Variants in CCDC85A observed in about 807,000 individuals in gnomAD.
CCDC85A encodes coiled-coil domain-containing protein 85A.
CCDC85A carries 38 observed loss-of-function variants against 50.2 expected under a neutral mutation model. The ratio of observed to expected loss-of-function variants is 0.76; its 90% CI spans 0.58 to 0.99. CCDC85A has a LOEUF of 0.99. Ranked by LOEUF, CCDC85A falls within the 50% of genes least tolerant of loss-of-function variation. CCDC85A has a pLI of 0.00. For synonymous variants in CCDC85A, 366 were observed against 301.4 expected (o/e 1.21, Z -2.22); for missense variants, 820 against 742.0 (o/e 1.11, Z -1.22).
chr2:56,183,998 C>T lies in CCDC85A; in HGVS notation c.-627C>T. On this transcript the variant is annotated 5_prime_UTR_variant, in exon 1 of 6. Coordinates refer to ENST00000407595, the MANE Select transcript of CCDC85A (RefSeq NM_001080433.2). ...TCCCCCACCCTCCACCCCTTCTCGA[C>T]TCCGCTCTGCAAATCGAAGGCTTTC... The T allele has an allele frequency of 2.0e-6, 2 of 985,638 alleles. No individual in the cohort carries two copies. Among genetic ancestry groups the T allele is most frequent in the Non-Finnish European group, 2.4e-6 (2 of 830,136 alleles). The allele number at this position is 985,638 out of a possible 1,614,324, so 61.1% of individuals were successfully genotyped here. A position where few individuals can be genotyped will look rare whatever the true frequency, so the allele number is the denominator to read the frequency against.
intron 2 of CCDC85A, among the ~76,000 whole-genome samples, chr2:56,326,386 A>T (rs539422332): frequency 5.9e-5 from 9 of 152,174 alleles, no homozygotes; most frequent in Non-Finnish European, 1.0e-4. Context: ...ATTTTGTGTC[A>T]TCTGATTTGC....
At chr2:56,354,415 A>C (rs1037820165) in intron 3 of CCDC85A, among the ~76,000 whole-genome samples, 2 of 152,246 alleles carry the variant, frequency 1.3e-5, no homozygotes, top group Non-Finnish European at 2.9e-5. Flanking sequence ...TGTGATACAC[A>C]TAAAGAATAA....
intron 2 of CCDC85A, among the ~76,000 whole-genome samples, chr2:56,235,833 G>A (rs961277524): frequency 6.6e-6 from 1 of 152,176 alleles, no homozygotes; most frequent in Admixed American, 6.5e-5. Context: ...AAAAGATCAA[G>A]AAGTGTGAGG....
Position 56,329,881 on chromosome 2 carries a change from C to T in CCDC85A, c.1241-12998C>T, listed in dbSNP as rs927288414. ...ATGCATAAAAAGGCACGCTAATTGT[C>T]CTAAGAGAAAATAACATATTTATAG... On this transcript the variant is annotated intron_variant, in intron 2 of 5. Coordinates refer to ENST00000407595, the MANE Select transcript of CCDC85A (RefSeq NM_001080433.2). Among the ~76,000 whole-genome samples, 4 of 146,182 alleles carry T rather than the reference C, an allele frequency of 2.7e-5. No individual in the cohort carries two copies. In the Admixed American group the frequency reaches 2.8e-4, roughly 10 times the overall value.
At chr2:56,276,433 C>G (rs551586829) in intron 2 of CCDC85A, among the ~76,000 whole-genome samples, 1 of 152,040 alleles carries the variant, frequency 6.6e-6, no homozygotes, top group Non-Finnish European at 1.5e-5. Context: ...GAAATTCCCA[C>G]GTGTCGTAGG....
intron 2 of CCDC85A, among the ~76,000 whole-genome samples, chr2:56,320,935 A>G (rs1381851009): frequency 1.3e-5 from 2 of 152,194 alleles, no homozygotes; most frequent in African/African-American, 2.4e-5. Context: ...CAAAAAGCTT[A>G]TCCACCACGA....
At chr2:56,345,063 T>C (rs1037669704) in intron 3 of CCDC85A, among the ~76,000 whole-genome samples, 1 of 152,196 alleles carries the variant, frequency 6.6e-6, no homozygotes, top group South Asian at 2.1e-4. Flanking sequence ...TCTATGTGTA[T>C]TGGAATACAT....
At chr2:56,198,890 T>G (rs1326540908) in intron 2 of CCDC85A, among the ~76,000 whole-genome samples, 1 of 152,234 alleles carries the variant, frequency 6.6e-6, no homozygotes, top group Non-Finnish European at 1.5e-5. Context: ...GTTTTCTAGT[T>G]GGTCAAGCTA....
At chr2:56,242,011 T>C (rs1669279539) in intron 2 of CCDC85A, among the ~76,000 whole-genome samples, 1 of 152,208 alleles carries the variant, frequency 6.6e-6, no homozygotes. Flanking sequence ...GTCTTTTGGA[T>C]AAAAGCCATT....
chr2:56,296,038 G>A (rs1671933196), intron 2 of CCDC85A, among the ~76,000 whole-genome samples: 1 of 152,192 alleles, frequency 6.6e-6, no homozygotes, highest in Non-Finnish European at 1.5e-5. Flanking sequence ...GAAAAAAGAA[G>A]TCAGTTTTAA....
At chr2:56,280,909 G>A (rs944845415) in intron 2 of CCDC85A, among the ~76,000 whole-genome samples, 2 of 152,190 alleles carry the variant, frequency 1.3e-5, no homozygotes, top group Non-Finnish European at 2.9e-5. Context: ...TTTATAGGAT[G>A]TTGGAGCCAC....
In CCDC85A at chr2:56,193,176, C is replaced by T. The variant is rs1676377993; in HGVS notation, c.976C>T (p.Pro326Ser). Residue 326 changes from proline to serine, a missense_variant, in exon 2 of 6, where the codon CCT becomes TCT. By Grantham distance (74) the Pro-to-Ser change is moderately conservative. Coordinates refer to ENST00000407595, the MANE Select transcript of CCDC85A (RefSeq NM_001080433.2). ...HFQKHRSGSS[P>S]EHARHSGGSP... ...CCAGAAGCACCGGTCAGGGAGCAGC[C>T]CTGAACACGCCAGGCACAGTGGAGG... 1.2e-6 allele frequency: 2 copies of T among 1,613,428 alleles called. No homozygotes were observed. The highest frequency in any genetic ancestry group is 1.7e-6 in the Non-Finnish European group (2 of 1,179,546).
intron 2 of CCDC85A, among the ~76,000 whole-genome samples, chr2:56,294,941 C>A (rs994048848): frequency 6.6e-6 from 1 of 152,108 alleles, no homozygotes; most frequent in Non-Finnish European, 1.5e-5. Flanking sequence ...ATAATTATGA[C>A]AGTGATTTTG....
rs776492606 is a variant in CCDC85A, at chr2:56,384,377, G to C, written c.*22G>C. The C allele has an allele frequency of 6.3e-7, 1 of 1,588,662 alleles. No individual in the cohort carries two copies. Reference sequence around the variant, plus strand: ...GTGAGATGCACTCTTTTTCAAACAGGAGATCACCACTGCCAGAAAGTGATA... The same window carrying C: ...GTGAGATGCACTCTTTTTCAAACAGCAGATCACCACTGCCAGAAAGTGATA... On this transcript the variant is annotated 3_prime_UTR_variant, in exon 6 of 6. Transcript: ENST00000407595.
At chr2:56,311,886 T>TCCCAGCAGGAGTTA (rs1672711266) in intron 2 of CCDC85A, among the ~76,000 whole-genome samples, 2 of 152,012 alleles carry the variant, frequency 1.3e-5, no homozygotes, top group Non-Finnish European at 2.9e-5. Flanking sequence ...AGGAGTTACA[T>TCCCAGCAGGAGTTA]CCCAGCACAA....
intron 2 of CCDC85A, among the ~76,000 whole-genome samples, chr2:56,303,123 T>C (rs1172836523): frequency 6.6e-6 from 1 of 152,184 alleles, no homozygotes; most frequent in Non-Finnish European, 1.5e-5. Flanking sequence ...AGAGAGAATC[T>C]TGTACAAACC....
rs537090322 is a variant in CCDC85A, at chr2:56,366,148, A to T, written c.1318-6196A>T. 5.9e-5 allele frequency among the ~76,000 whole-genome samples: 9 copies of T among 152,240 alleles called. No homozygotes were observed. In the East Asian group the frequency reaches 1.7e-3, roughly 29 times the overall value. On this transcript the variant is annotated intron_variant, in intron 3 of 5. Coordinates refer to ENST00000407595, the MANE Select transcript of CCDC85A (RefSeq NM_001080433.2). The stretch of plus-strand genomic sequence containing the variant: ...TATATATAGATAGCACATTTTCTTT[A>T]TTCATCCATTCATGGACACTTAGGT...
At chr2:56,239,776 T>C (rs958154383) in intron 2 of CCDC85A, among the ~76,000 whole-genome samples, 4 of 152,166 alleles carry the variant, frequency 2.6e-5, no homozygotes, top group African/African-American at 9.6e-5. Context: ...ATCCTTCCAG[T>C]GGCAGTTACT....
At chr2:56,286,120 C>T (rs1381334207) in intron 2 of CCDC85A, among the ~76,000 whole-genome samples, 2 of 151,944 alleles carry the variant, frequency 1.3e-5, no homozygotes, top group Non-Finnish European at 2.9e-5. Context: ...TTAATGTACG[C>T]ATCTTTCTCA....
Sources: allele counts gnomAD v4.1 joint callset (sites outside exome capture counted in the v4.1 genomes callset), GRCh38; gene constraint gnomAD v4.1.1; transcripts MANE v1.5; gene names NCBI Gene and HGNC (gene_info 2026-07-23, HGNC 2026-07-21).